CAST: variants seen among roughly 807,000 people sequenced by gnomAD.
CAST encodes the protein MIR583 host.
Under a neutral mutation model 119.6 loss-of-function variants are expected in CAST, and 76 were observed. The observed-to-expected ratio is 0.64, with a 90% CI of 0.53 to 0.77. The LOEUF (loss-of-function observed/expected upper bound fraction) is 0.77. Among genes scored for constraint, CAST ranks in the 30% least tolerant of loss-of-function variants. CAST has a pLI of 0.00. For missense variants in CAST, 953 were observed against 946.5 expected, an observed-to-expected ratio of 1.01 and a Z score of -0.09; for synonymous variants, 319 against 331.6, an observed-to-expected ratio of 0.96 and a Z score of 0.41.
chr5:96,329,245 A>T, the CAST span, among the ~76,000 whole-genome samples: 1 of 152,366 alleles, frequency 6.6e-6, no homozygotes, highest in East Asian at 1.9e-4. Flanking sequence ...ATGTTAAGAA[A>T]ACAGTGTGAT....
the CAST span, among the ~76,000 whole-genome samples, chr5:96,481,804 T>A: frequency 6.6e-6 from 1 of 152,186 alleles, no homozygotes; most frequent in Admixed American, 6.5e-5. Context: ...TAGTAACTAA[T>A]GGCAAGACCC....
At chr5:96,037,395 G>C in the CAST span, among the ~76,000 whole-genome samples, 1 of 152,114 alleles carries the variant, frequency 6.6e-6, no homozygotes, top group East Asian at 1.9e-4. Flanking sequence ...AATATTACTG[G>C]TATTGAACTG....
At chr5:96,013,189 G>A in the CAST span, among the ~76,000 whole-genome samples, 4 of 150,912 alleles carry the variant, frequency 2.7e-5, no homozygotes, top group African/African-American at 9.7e-5. Context: ...ATATAAAAAG[G>A]TATGCTTTTT....
intron 3 of CAST, among the ~76,000 whole-genome samples, chr5:96,708,580 C>G (rs1755480520): frequency 6.6e-6 from 1 of 152,012 alleles, no homozygotes; most frequent in African/African-American, 2.4e-5. Flanking sequence ...AGCCTTGACC[C>G]CCTGGGATCA....
At chr5:96,369,287 A>G in the CAST span, among the ~76,000 whole-genome samples, 11 of 152,002 alleles carry the variant, frequency 7.2e-5, no homozygotes, top group East Asian at 5.8e-4. Context: ...TTTAATATCT[A>G]TAAGTATTTC....
the CAST span, among the ~76,000 whole-genome samples, chr5:96,094,490 T>C: frequency 6.6e-6 from 1 of 152,016 alleles, no homozygotes; most frequent in Non-Finnish European, 1.5e-5. Flanking sequence ...CTCCTTCTCC[T>C]GATATAGGCT....
At chr5:96,098,311 A>G in the CAST span, among the ~76,000 whole-genome samples, 1 of 152,012 alleles carries the variant, frequency 6.6e-6, no homozygotes, top group Non-Finnish European at 1.5e-5. Flanking sequence ...TTTGTGCAGA[A>G]GCTCTTTAAT....
the CAST span, among the ~76,000 whole-genome samples, chr5:96,076,660 A>G: frequency 6.6e-6 from 1 of 152,210 alleles, no homozygotes; most frequent in African/African-American, 2.4e-5. Flanking sequence ...AGCATTTGCC[A>G]CGTCATAAGA....
the CAST span, among the ~76,000 whole-genome samples, chr5:96,411,645 G>A: frequency 5.6e-4 from 86 of 152,274 alleles, no homozygotes; most frequent in Admixed American, 5.2e-3. Flanking sequence ...AAGCATTTCC[G>A]CGCTTGGAAG....
the CAST span, among the ~76,000 whole-genome samples, chr5:96,178,525 A>T: frequency 3.3e-5 from 5 of 152,204 alleles, no homozygotes; most frequent in Non-Finnish European, 7.3e-5. Flanking sequence ...AGAAGAAAAA[A>T]AAAGAAGCCT....
chr5:96,764,029 AT>A (rs1479374130), intron 25 of CAST, among the ~76,000 whole-genome samples: 1 of 151,898 alleles, frequency 6.6e-6, no homozygotes, highest in Non-Finnish European at 1.5e-5. Flanking sequence ...TGGATAGTGT[AT>A]GTGAAAACAT....
chr5:96,763,101 GGAGA>G, intron 25 of CAST: 1 of 776,808 alleles, frequency 1.3e-6, no homozygotes, highest in Non-Finnish European at 2.4e-6. Flanking sequence ...TTTGCTAGAT[GGAGA>G]TGAAGTAACT....
intron 3 of CAST, among the ~76,000 whole-genome samples, chr5:96,705,217 G>A (rs1471262053): frequency 6.6e-6 from 1 of 152,036 alleles, no homozygotes; most frequent in Non-Finnish European, 1.5e-5. Context: ...TACTTGGGAG[G>A]CTAAGGTGGA....
Position 96,736,252 on chromosome 5 carries a change from A to G in CAST, c.699+12A>G, listed in dbSNP as rs199901216. 9.6e-5 allele frequency: 151 copies of G among 1,565,152 alleles called. 1 individual carries two copies. Among genetic ancestry groups the G allele is most frequent in the East Asian group, 1.6e-4 (7 of 44,572 alleles). Reference sequence around the variant, plus strand: ...AACCATCGGGAAAGGTATGAAGACAACAGTGTCCTTCTACATGAGACAGTT... The same window carrying G: ...AACCATCGGGAAAGGTATGAAGACAGCAGTGTCCTTCTACATGAGACAGTT... On this transcript the variant is annotated intron_variant, in intron 10 of 31. Transcript: ENST00000675179.
chr5:96,770,279 G>A (rs770765416), intron 29 of CAST: 1 of 465,602 alleles, frequency 2.1e-6, no homozygotes, highest in Non-Finnish European at 4.0e-6. Flanking sequence ...GTCTGGGTGA[G>A]TCAGGCACCA....
At chr5:96,301,643 A>G in the CAST span, among the ~76,000 whole-genome samples, 1 of 152,202 alleles carries the variant, frequency 6.6e-6, no homozygotes, top group African/African-American at 2.4e-5. Flanking sequence ...AAGGGGCTAC[A>G]GGCCCCATGC....
intron 1 of CAST, among the ~76,000 whole-genome samples, chr5:96,624,251 C>A (rs1011987895): frequency 6.6e-6 from 1 of 152,190 alleles, no homozygotes; most frequent in Non-Finnish European, 1.5e-5. Flanking sequence ...TCTACGCACA[C>A]CTCACTATGG....
At chr5:96,410,736 C>G in the CAST span, 2 of 1,515,720 alleles carry the variant, frequency 1.3e-6, no homozygotes, top group Non-Finnish European at 1.8e-6. Flanking sequence ...GCCACGCTCT[C>G]CTAACTAAGC....
At chr5:95,978,659 A>G in the CAST span, among the ~76,000 whole-genome samples, 1 of 151,966 alleles carries the variant, frequency 6.6e-6, no homozygotes, top group African/African-American at 2.4e-5. Flanking sequence ...ATTAGATCCT[A>G]TTTGTCAATT....
Sources: gnomAD v4.1 joint callset for allele counts (sites outside exome capture counted in the v4.1 genomes callset) on GRCh38, gnomAD v4.1.1 for gene constraint, MANE v1.5 for transcripts, NCBI Gene and HGNC (gene_info 2026-07-23, HGNC 2026-07-21) for gene names.